Variants in PRUNE2 observed in about 807,000 individuals in gnomAD.
The protein encoded by PRUNE2 is protein prune homolog 2.
PRUNE2 carries 164 observed loss-of-function variants against 252.0 expected under a neutral mutation model. That is an observed-to-expected ratio of 0.65 (90% CI 0.57 to 0.74). PRUNE2 has a LOEUF of 0.74. Ranked by LOEUF, PRUNE2 falls within the 30% of genes least tolerant of loss-of-function variation. PRUNE2 has a pLI of 0.00. For missense variants in PRUNE2, 3,495 were observed against 3,711.0 expected, an observed-to-expected ratio of 0.94 and a Z score of 1.51; for synonymous variants, 1,292 against 1,350.2, an observed-to-expected ratio of 0.96 and a Z score of 0.94.
At chr9:76,624,997 A>T (rs1381901213) in intron 16 of PRUNE2, 2 of 1,293,282 alleles carry the variant, frequency 1.5e-6, no homozygotes, top group Non-Finnish European at 2.0e-6. Context: ...AGGGTCCAGC[A>T]TGAATAGGAG....
chr9:76,675,701 G>C (rs1293025820), intron 9 of PRUNE2, among the ~76,000 whole-genome samples: 13 of 121,336 alleles, frequency 1.1e-4, no homozygotes, highest in Middle Eastern at 3.8e-3. Context: ...TTAAGAAAAT[G>C]TGGCACATAT....
At chr9:76,714,889 ATCT>A (rs1320213971) in intron 6 of PRUNE2, among the ~76,000 whole-genome samples, 2 of 152,198 alleles carry the variant, frequency 1.3e-5, no homozygotes, top group African/African-American at 4.8e-5. Flanking sequence ...ATCATCCATA[ATCT>A]TCTATCATAG....
intron 9 of PRUNE2, among the ~76,000 whole-genome samples, chr9:76,688,128 T>C (rs1299649621): frequency 6.6e-6 from 1 of 152,258 alleles, no homozygotes; most frequent in East Asian, 1.9e-4. Context: ...TGAAGCTGGG[T>C]GTTCTCTTTC....
In PRUNE2 at chr9:76,709,332, T is replaced by C. The variant is rs768198941; in HGVS notation, c.2942A>G (p.Asp981Gly). 7.4e-6 allele frequency: 12 copies of C among 1,613,866 alleles called. No individual in the cohort carries two copies. The highest frequency in any genetic ancestry group is 1.3e-5 in the African/African-American group (1 of 74,908). The change falls in exon 8 of 19, where the codon GAC becomes GGC. Residue 981 changes from aspartate (D) to glycine (G), a missense_variant. Physicochemically the swap from Asp to Gly is moderately conservative, Grantham distance 94 (BLOSUM62 -1). Coordinates refer to ENST00000376718, the MANE Select transcript of PRUNE2 (RefSeq NM_015225.3). ...DSYTSPTFAGDEKETEHKPFA... is the reference protein window; with the variant it reads ...DSYTSPTFAGGEKETEHKPFA... ...TGGCTTGTGTTCAGTTTCCTTTTCG[T>C]CTCCAGCAAATGTTGGTGATGTGTA...
At chr9:76,885,693 C>T (rs2062044714) in intron 1 of PRUNE2, among the ~76,000 whole-genome samples, 2 of 152,064 alleles carry the variant, frequency 1.3e-5, no homozygotes, top group African/African-American at 2.4e-5. Flanking sequence ...CTTTGGAGTT[C>T]GACTGCTTGG....
rs1459210194 is a variant in PRUNE2, at chr9:76,690,118, G to GC, written c.8276+13218_8276+13219insG. Among the ~76,000 whole-genome samples the GC allele has an allele frequency of 2.6e-5, 4 of 152,186 alleles. No individual in the cohort carries two copies. The East Asian group carries it at 7.7e-4, about 29-fold the overall frequency. On this transcript the variant is annotated intron_variant, in intron 9 of 18. Coordinates refer to ENST00000376718, the MANE Select transcript of PRUNE2 (RefSeq NM_015225.3). ...CATGATTCCTGCCAGGATTAATCCA[G>GC]AAGGAGCCATGTTCTTTGTCAACCT... is the stretch of plus-strand genomic sequence containing the variant.
intron 6 of PRUNE2, chr9:76,784,060 G>A (rs977572294): frequency 4.6e-5 from 7 of 152,132 alleles, no homozygotes; most frequent in Non-Finnish European, 8.8e-5. Context: ...CACGGAGTCT[G>A]GATTTTCTAC....
chr9:76,807,061 C>T (rs60258492), intron 6 of PRUNE2, among the ~76,000 whole-genome samples: 2,521 of 146,160 alleles, frequency 0.017, 83 homozygotes, highest in African/African-American at 0.065. Context: ...TGCGCGCGCG[C>T]GTGTGTCTGT....
At chr9:76,771,272 T>C (rs571564928) in intron 6 of PRUNE2, among the ~76,000 whole-genome samples, 1 of 152,348 alleles carries the variant, frequency 6.6e-6, no homozygotes, top group African/African-American at 2.4e-5. Context: ...GGCCAAACTA[T>C]ATCCCTCAAT....
chr9:76,904,304 C>T (rs569015988), intron 1 of PRUNE2, among the ~76,000 whole-genome samples: 1 of 152,072 alleles, frequency 6.6e-6, no homozygotes, highest in Admixed American at 6.5e-5. Flanking sequence ...TTACTTTCAA[C>T]TCATTACTCG....
intron 6 of PRUNE2, among the ~76,000 whole-genome samples, chr9:76,758,311 TC>T (rs1237021586): frequency 6.6e-6 from 1 of 152,124 alleles, no homozygotes; most frequent in Non-Finnish European, 1.5e-5. Flanking sequence ...CACCCTCCTG[TC>T]CAGCCATGGG....
intron 9 of PRUNE2, among the ~76,000 whole-genome samples, chr9:76,695,108 C>T (rs1052275997): frequency 6.6e-6 from 1 of 152,104 alleles, no homozygotes; most frequent in Non-Finnish European, 1.5e-5. Context: ...CAATCTCAGC[C>T]CACTGCGATC....
rs184881656 is a variant in PRUNE2, at chr9:76,721,968, G to T, written c.757-8247C>A. Among the ~76,000 whole-genome samples, 418 of 152,254 alleles carry T rather than the reference G, an allele frequency of 2.7e-3. 4 individuals are homozygous for T. The highest frequency in any genetic ancestry group is 0.012 in the Admixed American group (181 of 15,294). ...AGAACACCACATGCATAAATTAAGA[G>T]ATTTTATTTATTTTGTTTTTTGTAC... On this transcript the variant is annotated intron_variant, in intron 6 of 18. Coordinates refer to ENST00000376718, the MANE Select transcript of PRUNE2 (RefSeq NM_015225.3).
At chr9:76,749,881 C>G (rs1461576152) in intron 6 of PRUNE2, among the ~76,000 whole-genome samples, 1 of 152,198 alleles carries the variant, frequency 6.6e-6, no homozygotes, top group Non-Finnish European at 1.5e-5. Flanking sequence ...GATTCAAGAT[C>G]AGAATCGCTT....
intron 1 of PRUNE2, among the ~76,000 whole-genome samples, chr9:76,868,071 G>C (rs764121377): frequency 3.3e-5 from 5 of 151,774 alleles, no homozygotes; most frequent in African/African-American, 2.4e-5. Context: ...CCTTTTTCCC[G>C]TAGACAGGAA....
chr9:76,688,749 A>G (rs1202424029), intron 9 of PRUNE2, among the ~76,000 whole-genome samples: 2 of 152,180 alleles, frequency 1.3e-5, no homozygotes, highest in African/African-American at 4.8e-5. Flanking sequence ...TCCATTGCTG[A>G]CAAAAAACAC....
At chr9:76,698,293 C>T (rs1274306806) in intron 9 of PRUNE2, among the ~76,000 whole-genome samples, 1 of 151,902 alleles carries the variant, frequency 6.6e-6, no homozygotes, top group Non-Finnish European at 1.5e-5. Context: ...GTGATCCACC[C>T]GCTTTGGCCT....
intron 17 of PRUNE2, among the ~76,000 whole-genome samples, chr9:76,621,173 T>TA (rs1832152618): frequency 6.6e-6 from 1 of 152,180 alleles, no homozygotes; most frequent in African/African-American, 2.4e-5. Context: ...TGCCTTTGGT[T>TA]AGACCTAGCC....
chr9:76,671,238 G>C (rs986535872), intron 9 of PRUNE2, among the ~76,000 whole-genome samples: 4 of 145,654 alleles, frequency 2.7e-5, no homozygotes, highest in Middle Eastern at 6.8e-3. Flanking sequence ...ACCAAGGCTC[G>C]AGAACTACGT....
Sources: allele counts gnomAD v4.1 joint callset (sites outside exome capture counted in the v4.1 genomes callset), GRCh38; gene constraint gnomAD v4.1.1; transcripts MANE v1.5; gene names NCBI Gene and HGNC (gene_info 2026-07-23, HGNC 2026-07-21).